Variants in CDC73 observed in about 807,000 individuals in gnomAD.
CDC73 encodes cell division cycle 73, also known as parafibromin.
In CDC73, 21 loss-of-function variants were observed where a neutral mutation model predicts 83.7. That is an observed-to-expected ratio of 0.25 (90% CI 0.18 to 0.36). CDC73 has a LOEUF of 0.36. CDC73 is among the 10% of genes least tolerant of loss of function. The pLI is 1.00. For synonymous variants in CDC73, 224 were observed against 212.9 expected (o/e 1.05, Z -0.45); for missense variants, 342 against 653.3 (o/e 0.52, Z 5.19).
chr1:193,191,648 A>G (rs1404068648), intron 10 of CDC73, among the ~76,000 whole-genome samples: 1 of 152,130 alleles, frequency 6.6e-6, no homozygotes, highest in African/African-American at 2.4e-5. Context: ...GTCCTCCCAA[A>G]GTGCGGGGGA....
At chr1:193,174,248 T>A (rs542797737) in intron 10 of CDC73, among the ~76,000 whole-genome samples, 2 of 152,148 alleles carry the variant, frequency 1.3e-5, no homozygotes, top group Admixed American at 1.3e-4. Context: ...TTCCTCTTGC[T>A]CTTAATAAGA....
At chr1:193,145,514 C>T (rs1308301603) in intron 7 of CDC73, among the ~76,000 whole-genome samples, 1 of 151,808 alleles carries the variant, frequency 6.6e-6, no homozygotes, top group Non-Finnish European at 1.5e-5. Flanking sequence ...GCCACTCTTT[C>T]TTGTCATTAC....
intron 11 of CDC73, among the ~76,000 whole-genome samples, chr1:193,210,758 A>G (rs1677264638): frequency 6.6e-6 from 1 of 152,288 alleles, no homozygotes; most frequent in African/African-American, 2.4e-5. Flanking sequence ...TTGTGTATGT[A>G]TAACATGATC....
Position 193,141,921 on chromosome 1 carries a change from C to T in CDC73, c.584C>T (p.Ser195Phe). 6.2e-7 allele frequency: 1 copy of T among 1,613,678 alleles called. No homozygotes were observed. Among genetic ancestry groups the T allele is most frequent in the Non-Finnish European group, 8.5e-7 (1 of 1,179,756 alleles). Residue 195 changes from serine to phenylalanine, a missense_variant, in exon 7 of 17, where the codon TCT becomes TTT. Physicochemically the swap from Ser to Phe is radical, Grantham distance 155. Transcript: ENST00000367435. ...GCCAAAATTATGGCTAAGAAAAGAT[C>T]TACTATCAAGACTGATCTAGATGAT... The part of the protein sequence containing the change: ...IKAKIMAKKR[S>F]TIKTDLDDDI...
intron 10 of CDC73, among the ~76,000 whole-genome samples, chr1:193,160,455 G>A (rs1676289548): frequency 6.6e-6 from 1 of 151,828 alleles, no homozygotes; most frequent in Non-Finnish European, 1.5e-5. Flanking sequence ...ACATAGTTTT[G>A]GTTACATATA....
chr1:193,141,133 T>C (rs1406698561), intron 6 of CDC73: 1 of 152,242 alleles, frequency 6.6e-6, no homozygotes, highest in Non-Finnish European at 1.5e-5. Flanking sequence ...TTTTGTCTAC[T>C]GTTATTAAGG....
rs556758045 is a variant in CDC73, at chr1:193,133,360, A to G, written c.308-2031A>G. Reference sequence around the variant, plus strand: ...TTGGTTCTTAATTTATACATTTAACATGGTCTCAATAAGAATCTCTAGTTT... The same window carrying G: ...TTGGTTCTTAATTTATACATTTAACGTGGTCTCAATAAGAATCTCTAGTTT... On this transcript the variant is annotated intron_variant, in intron 3 of 16. Coordinates refer to ENST00000367435, the MANE Select transcript of CDC73 (RefSeq NM_024529.5). Among the ~76,000 whole-genome samples the G allele has an allele frequency of 4.6e-4, 70 of 152,338 alleles. 2 individuals are homozygous for G. In the South Asian group the frequency reaches 0.013, roughly 27 times the overall value.
At chr1:193,231,999 T>C (rs1362960447) in intron 13 of CDC73, among the ~76,000 whole-genome samples, 1 of 152,192 alleles carries the variant, frequency 6.6e-6, no homozygotes, top group Admixed American at 6.5e-5. Context: ...ATAAGACTTT[T>C]AAAATACTTT....
chr1:193,131,815 A>G (rs896092560), intron 3 of CDC73, among the ~76,000 whole-genome samples: 1 of 152,108 alleles, frequency 6.6e-6, no homozygotes, highest in African/African-American at 2.4e-5. Flanking sequence ...ATCAGAGAAG[A>G]CTTCTCTGAC....
chr1:193,216,815 C>T lies in CDC73; in HGVS notation c.1154+4338C>T, dbSNP rs147517631. Among the ~76,000 whole-genome samples, 23 of 152,212 alleles carry T rather than the reference C, an allele frequency of 1.5e-4. No individual in the cohort carries two copies. In the East Asian group the frequency reaches 3.3e-3, roughly 22 times the overall value. On this transcript the variant is annotated intron_variant, in intron 13 of 16. Coordinates refer to ENST00000367435, the MANE Select transcript of CDC73 (RefSeq NM_024529.5). ...CAAATGCAAATCAGTAAACATGATT[C>T]GTCACATAAACAGAACTAAAAAAAT...
intron 15 of CDC73, among the ~76,000 whole-genome samples, chr1:193,246,674 C>T (rs1677960307): frequency 6.6e-6 from 1 of 152,100 alleles, no homozygotes; most frequent in African/African-American, 2.4e-5. Context: ...CCCCACTTTT[C>T]TCTTGCCACC....
chr1:193,168,459 G>T (rs989286393), intron 10 of CDC73, among the ~76,000 whole-genome samples: 1 of 152,074 alleles, frequency 6.6e-6, no homozygotes, highest in East Asian at 1.9e-4. Context: ...GATTTGTATT[G>T]TGCCAACTGG....
intron 8 of CDC73, among the ~76,000 whole-genome samples, chr1:193,149,385 T>C (rs1676066447): frequency 6.6e-6 from 1 of 152,136 alleles, no homozygotes; most frequent in Admixed American, 6.5e-5. Flanking sequence ...TGTTTTTTTT[T>C]TTTTAAAGTA....
At chr1:193,142,426 T>G (rs562882369) in intron 7 of CDC73, among the ~76,000 whole-genome samples, 1 of 152,322 alleles carries the variant, frequency 6.6e-6, no homozygotes, top group African/African-American at 2.4e-5. Flanking sequence ...CATCATTATT[T>G]TTTTTTCTCA....
intron 15 of CDC73, 116 bp from the exon 16 acceptor site, chr1:193,249,614 A>T (rs1415091324): frequency 2.6e-6 from 2 of 777,980 alleles, no homozygotes; most frequent in African/African-American, 3.5e-5. Flanking sequence ...TTTTAAAGAT[A>T]ATATTTTAAA....
chr1:193,227,759 C>T (rs1677589807), intron 13 of CDC73, among the ~76,000 whole-genome samples: 1 of 152,020 alleles, frequency 6.6e-6, no homozygotes, highest in South Asian at 2.1e-4. Context: ...TGCATTTTTA[C>T]CTTTGGGATG....
chr1:193,217,454 G>T (rs1032763703), intron 13 of CDC73, among the ~76,000 whole-genome samples: 2 of 152,064 alleles, frequency 1.3e-5, no homozygotes, highest in African/African-American at 4.8e-5. Context: ...CCAGAAAGGG[G>T]ATGGTTTTCC....
chr1:193,224,234 G>T (rs952086164), intron 13 of CDC73, among the ~76,000 whole-genome samples: 6 of 151,194 alleles, frequency 4.0e-5, no homozygotes, highest in Non-Finnish European at 1.5e-5. Flanking sequence ...GGGAATTATT[G>T]TTGCAGTTAC....
intron 13 of CDC73, among the ~76,000 whole-genome samples, chr1:193,220,094 A>G (rs1246077240): frequency 6.6e-6 from 1 of 152,120 alleles, no homozygotes; most frequent in Non-Finnish European, 1.5e-5. Context: ...CAGCAACATA[A>G]TAAATACCCA....
Sources: gnomAD v4.1 joint callset for allele counts (sites outside exome capture counted in the v4.1 genomes callset) on GRCh38, gnomAD v4.1.1 for gene constraint, MANE v1.5 for transcripts, NCBI Gene and HGNC (gene_info 2026-07-23, HGNC 2026-07-21) for gene names.